SLC22A12: variants seen among roughly 807,000 people sequenced by gnomAD.
The protein encoded by SLC22A12 is solute carrier family 22 member 12.
Under a neutral mutation model 52.7 loss-of-function variants are expected in SLC22A12, and 56 were observed. That is an observed-to-expected ratio of 1.06 (90% confidence interval 0.86 to 1.33). The LOEUF (loss-of-function observed/expected upper bound fraction) is 1.33, where lower values mean the gene tolerates loss of function less well. Ranked by LOEUF, SLC22A12 falls within the 40% of genes most tolerant of loss-of-function variation. The pLI is 0.00. For synonymous variants in SLC22A12, 337 were observed against 324.6 expected (o/e 1.04, Z -0.41); for missense variants, 683 against 741.5 (o/e 0.92, Z 0.92).
chr11:64,592,123 C>T (rs563984037), intron 1 of SLC22A12, among the ~76,000 whole-genome samples, 165 bp downstream of exon 1: 5 of 152,100 alleles, frequency 3.3e-5, no homozygotes, highest in Non-Finnish European at 7.4e-5. Flanking sequence ...GGGAAGTGGG[C>T]GGCAGGGATC....
At position 64,601,704 on chromosome 11, in the gene SLC22A12, G is replaced by T. The variant is rs2039460021; in HGVS notation, c.*153G>T. 1 of 802,834 alleles carries T rather than the reference G, an allele frequency of 1.2e-6. No homozygotes were observed. The highest frequency in any genetic ancestry group is 2.1e-6 in the Non-Finnish European group (1 of 481,636). The allele number at this position is 802,834 out of a possible 1,614,324, so 49.7% of individuals were successfully genotyped here. ...CCCCCAGGGCTGCCCCTCCAGGTGA[G>T]CCCTGCCCCTCTCACAGTCCAAGGG... On this transcript the variant is annotated 3_prime_UTR_variant, in exon 10 of 10. Transcript: ENST00000377574.
rs1047976958 is a variant in SLC22A12 at position 64,599,701 on chromosome 11, G to C, written c.1096G>C (p.Gly366Arg). 1.5e-5 allele frequency: 24 copies of C among 1,608,924 alleles called. No homozygotes were observed. Among genetic ancestry groups the C allele is most frequent in the Non-Finnish European group, 2.0e-5 (24 of 1,179,046 alleles). Residue 366 changes from glycine to arginine, a missense_variant, in exon 7 of 10, where the codon GGC becomes CGC. Gly to Arg is a moderately radical substitution (Grantham distance 125). Coordinates refer to ENST00000377574, the MANE Select transcript of SLC22A12 (RefSeq NM_144585.4). The part of the protein sequence containing the change: ...CWFAFGFTFF[G>R]LALDLQALGS... ...GTTCGCCTTTGGCTTCACCTTCTTC[G>C]GCCTGGCCCTGGACCTGCAGGCCCT...
Position 64,601,968 on chromosome 11 carries a change from C to T in SLC22A12, c.*417C>T, listed in dbSNP as rs1451529309. 1 of 320,010 alleles carries T rather than the reference C, an allele frequency of 3.1e-6. No homozygotes were observed. The highest frequency in any genetic ancestry group is 7.8e-5 in the East Asian group (1 of 12,772). 19.8% of individuals were successfully genotyped at this position (320,010 alleles called of 1,614,324 possible). On this transcript the variant is annotated 3_prime_UTR_variant, in exon 10 of 10. Transcript: ENST00000377574. ...ATGGTCAAGACCTCTCCTAGCTCCACACAAGCAGTAGAGTCTCAGCTCCAC... is the reference window on the plus strand; with the variant it reads ...ATGGTCAAGACCTCTCCTAGCTCCATACAAGCAGTAGAGTCTCAGCTCCAC...
Position 64,599,905 on chromosome 11 carries a change from C to G in SLC22A12, c.1285+15C>G. On this transcript the variant is annotated intron_variant, in intron 7 of 9. Transcript: ENST00000377574. ...GGTGCCCCACGGTGAGGGGGCAAAG[C>G]TGTACACCAGAGACTTCCCTACCTT... 1 of 1,610,290 alleles carries G rather than the reference C, an allele frequency of 6.2e-7. No individual in the cohort carries two copies. Among genetic ancestry groups the G allele is most frequent in the Non-Finnish European group, 8.5e-7 (1 of 1,178,722 alleles).
In SLC22A12 at chr11:64,599,816, GC is replaced by G. The variant is rs1363642210; in HGVS notation, c.1213del (p.Arg405AlafsTer62). The stretch of plus-strand genomic sequence containing the variant: ...GCCCTGCTGCTGCTGAGCCACCTGG[GC>G]CGCCGCCCCACGCTGGCCGCATCCC... ...MGALLLLSHL[G>X]RRPTLAASLL... On this transcript the variant is annotated frameshift_variant, in exon 7 of 10. Transcript: ENST00000377574. LOFTEE classifies it high-confidence loss of function. The G allele has an allele frequency of 1.2e-6, 2 of 1,612,818 alleles. No individual in the cohort carries two copies. The highest frequency in any genetic ancestry group is 1.6e-4 in the Middle Eastern group (1 of 6,082).
In SLC22A12 at chr11:64,598,949, C is replaced by A. The variant is rs371903159; in HGVS notation, c.1070+26C>A. On this transcript the variant is annotated intron_variant, in intron 6 of 9. Coordinates refer to ENST00000377574, the MANE Select transcript of SLC22A12 (RefSeq NM_144585.4). ...GTAGATGCCCTTCCCCCAACCCCAC[C>A]TCCACAGGGGAACCTGGAATCGGGG... 2.7e-4 allele frequency: 427 copies of A among 1,610,828 alleles called. 2 individuals carry two copies. Among genetic ancestry groups the A allele is most frequent in the Middle Eastern group, 3.4e-4 (2 of 5,882 alleles).
chr11:64,601,437 T>A, intron 9 of SLC22A12, 51 bp from the exon 10 acceptor site: 1 of 1,585,340 alleles, frequency 6.3e-7, no homozygotes, highest in Non-Finnish European at 8.6e-7. Flanking sequence ...AGGTCAAGGG[T>A]CAGGGGCCAC....
intron 6 of SLC22A12, 85 bp from the exon 7 acceptor site, chr11:64,599,591 G>GCCCCCAC: frequency 9.7e-6 from 6 of 617,174 alleles, no homozygotes; most frequent in South Asian, 5.2e-5. Context: ...CCCACCCTGA[G>GCCCCCAC]CCCCCACCGC....
chr11:64,591,971 C>T lies in SLC22A12; in HGVS notation c.402+13C>T, dbSNP rs369172656. On this transcript the variant is annotated intron_variant, in intron 1 of 9. Coordinates refer to ENST00000377574, the MANE Select transcript of SLC22A12 (RefSeq NM_144585.4). ...AATCGTGGCCAAGGTAGGGCCTCCC[C>T]CAGAGCCACTCGAGTCCCACCACCT... is the stretch of plus-strand genomic sequence containing the variant. The T allele has an allele frequency of 3.6e-5, 58 of 1,608,502 alleles. No homozygotes were observed. Among genetic ancestry groups the T allele is most frequent in the Non-Finnish European group, 4.2e-5 (50 of 1,179,770 alleles).
chr11:64,601,454 C>A, intron 9 of SLC22A12, 34 bp from the exon 10 acceptor site: 1 of 1,609,308 alleles, frequency 6.2e-7, no homozygotes, highest in South Asian at 1.1e-5. Flanking sequence ...CCACTCCGCA[C>A]CCCAAGACAC....
At chr11:64,596,343 G>A (rs1210640603) in intron 4 of SLC22A12, among the ~76,000 whole-genome samples, 4 of 141,000 alleles carry the variant, frequency 2.8e-5, no homozygotes, top group South Asian at 2.5e-4. Context: ...TGGATGGGTG[G>A]ATGGATGGAT....
rs774054342 is a variant in SLC22A12 at position 64,601,544 on chromosome 11, A to C, written c.1655A>C (p.Gln552Pro). ...GGGAACTCTGTCCTAAAATCCACAC[A>C]GTTTTAGCCTCCTGGGGAACCTGCG... ...TLGNSVLKSTQF is the reference protein window; with the variant it reads ...TLGNSVLKSTPF Residue 552 changes from glutamine (Q) to proline (P), a missense_variant, in exon 10 of 10, where the codon CAG (glutamine) becomes CCG (proline). Gln to Pro is a moderately conservative substitution (Grantham distance 76). Transcript: ENST00000377574. 1.1e-5 allele frequency: 18 copies of C among 1,613,752 alleles called. No homozygotes were observed. The highest frequency in any genetic ancestry group is 1.7e-6 in the Non-Finnish European group (2 of 1,179,928).
chr11:64,601,419 A>G lies in SLC22A12; in HGVS notation c.1599-69A>G, dbSNP rs1591406005. 6.6e-6 allele frequency: 10 copies of G among 1,526,004 alleles called. No individual in the cohort carries two copies. The East Asian group carries it at 2.3e-4, about 36-fold the overall frequency. The allele number at this position is 1,526,004 out of a possible 1,614,324, so 94.5% of individuals were successfully genotyped here. ...GGTGGCATTCCCTGGAGTCCTTGGG[A>G]TGGACACAGGTCAAGGGTCAGGGGC... On this transcript the variant is annotated intron_variant, in intron 9 of 9. Transcript: ENST00000377574.
At chr11:64,598,716 C>A (rs2039336495) in intron 5 of SLC22A12, 77 bp downstream of exon 5, 1 of 1,601,446 alleles carries the variant, frequency 6.2e-7, no homozygotes, top group Non-Finnish European at 8.5e-7. Flanking sequence ...GGGAGACCCA[C>A]CAAGGACCTC....
chr11:64,600,660 G>A lies in SLC22A12; in HGVS notation c.1395-75G>A, dbSNP rs71581766. On this transcript the variant is annotated intron_variant, in intron 8 of 9. Coordinates refer to ENST00000377574, the MANE Select transcript of SLC22A12 (RefSeq NM_144585.4). Reference sequence around the variant, plus strand: ...CCCCCTGGGTCTCCCTGGGCCAAGCGGGCCTGGCCCGGCGTGCAGGATCAA... The same window carrying A: ...CCCCCTGGGTCTCCCTGGGCCAAGCAGGCCTGGCCCGGCGTGCAGGATCAA... 904 of 1,590,350 alleles carry A rather than the reference G, an allele frequency of 5.7e-4. 3 individuals carry two copies. The highest frequency in any genetic ancestry group is 5.3e-3 in the Middle Eastern group (27 of 5,132).
In SLC22A12 at chr11:64,592,787, C is replaced by G. The variant is rs1043463258; in HGVS notation, c.411C>G (p.Leu137=). Residue 137 remains leucine, a synonymous_variant, in exon 2 of 10, where the codon CTC becomes CTG. Coordinates refer to ENST00000377574, the MANE Select transcript of SLC22A12 (RefSeq NM_144585.4). Reference sequence around the variant, plus strand: ...TCCTCCTCTCCCATCAGTGGAACCTCGTGTGTGACTCTCATGCTCTGAAGC... The same window carrying G: ...TCCTCCTCTCCCATCAGTGGAACCTGGTGTGTGACTCTCATGCTCTGAAGC... ...FTSTIVAKWN[L]VCDSHALKPM... The G allele has an allele frequency of 6.2e-7, 1 of 1,613,440 alleles. No individual in the cohort carries two copies. The highest frequency in any genetic ancestry group is 2.2e-5 in the East Asian group (1 of 44,874).
chr11:64,591,942 C>T lies in SLC22A12; in HGVS notation c.386C>T (p.Ser129Phe). 1.2e-6 allele frequency: 2 copies of T among 1,611,544 alleles called. No individual in the cohort carries two copies. The highest frequency in any genetic ancestry group is 8.5e-7 in the Non-Finnish European group (1 of 1,179,982). ...GTCTATGACCGCAGCATCTTCACCTCCACAATCGTGGCCAAGGTAGGGCCT... is the reference window on the plus strand; with the variant it reads ...GTCTATGACCGCAGCATCTTCACCTTCACAATCGTGGCCAAGGTAGGGCCT... ...GWVYDRSIFTSTIVAKWNLVC... is the reference protein window; with the variant it reads ...GWVYDRSIFTFTIVAKWNLVC... The change falls in exon 1 of 10, where the codon TCC (serine) becomes TTC (phenylalanine). Residue 129 changes from serine to phenylalanine, a missense_variant. Coordinates refer to ENST00000377574, the MANE Select transcript of SLC22A12 (RefSeq NM_144585.4).
rs1184280369 is a variant in SLC22A12, at chr11:64,594,939, TG to T, written c.830+1138del. Among the ~76,000 whole-genome samples, 67 of 42,836 alleles carry T rather than the reference TG, an allele frequency of 1.6e-3. 14 individuals carry two copies. Among genetic ancestry groups the T allele is most frequent in the African/African-American group, 0.013 (48 of 3,640 alleles). The allele number at this position is 42,836 out of a possible 152,430, so 28.1% of individuals were successfully genotyped here. ...ATGGATGGATTGTTGAATGGATGGT[TG>T]GATGGATGGATGGATGGATGGTTGG... On this transcript the variant is annotated intron_variant, in intron 4 of 9. Coordinates refer to ENST00000377574, the MANE Select transcript of SLC22A12 (RefSeq NM_144585.4).
chr11:64,601,035 G>T, intron 9 of SLC22A12, 97 bp downstream of exon 9: 1 of 1,476,206 alleles, frequency 6.8e-7, no homozygotes, highest in Non-Finnish European at 9.3e-7. Flanking sequence ...GACAGAGGCG[G>T]AAGCAGAGGC....
Sources: allele counts gnomAD v4.1 joint callset (sites outside exome capture counted in the v4.1 genomes callset), GRCh38; gene constraint gnomAD v4.1.1; transcripts MANE v1.5; gene names NCBI Gene and HGNC (gene_info 2026-07-23, HGNC 2026-07-21).